MUC22: variants seen among roughly 807,000 people sequenced by gnomAD.
MUC22 encodes mucin 22.
MUC22 carries 24 observed loss-of-function variants against 40.3 expected under a neutral mutation model. The ratio of observed to expected loss-of-function variants is 0.60; its 90% confidence interval spans 0.43 to 0.84. MUC22 has a LOEUF of 0.84. MUC22 is among the 40% of genes least tolerant of loss of function. The probability of loss-of-function intolerance (pLI) is 0.00; values close to 1 mark genes in which losing one functional copy is unlikely to be tolerated. For missense variants in MUC22, 1,926 were observed against 2,130.7 expected (o/e 0.90, Z 1.89); for synonymous variants, 765 against 844.5 (o/e 0.91, Z 1.63).
At chr6:31,028,220 C>T (rs1439100929) in exon 2 of MUC22, 3 of 1,534,888 alleles carry the variant, frequency 2.0e-6, no homozygotes, top group Non-Finnish European at 2.6e-6. Context: ...ACAGTATCTG[C>T]CACAGGCTCT....
chr6:31,026,170 GT>G lies in MUC22; in HGVS notation c.740del (p.Val247GlyfsTer7). ...CACAACCTCAACTGCAGACTCCAAG[GT>G]GATCACGGCATCCAGCATGAGCTCT... On this transcript the variant is annotated frameshift_variant, in exon 2 of 4. Transcript: ENST00000561890. LOFTEE classifies it high-confidence loss of function. 6.6e-7 allele frequency: 1 copy of G among 1,521,228 alleles called. No homozygotes were observed. The highest frequency in any genetic ancestry group is 1.2e-5 in the South Asian group (1 of 83,508). 94.2% of individuals were successfully genotyped at this position (1,521,228 alleles called of 1,614,324 possible). A position where few individuals can be genotyped will look rare whatever the true frequency, so the allele number is the denominator to read the frequency against.
exon 2 of MUC22, chr6:31,026,066 G>A (rs1192838671): frequency 6.5e-7 from 1 of 1,529,750 alleles, no homozygotes; most frequent in Non-Finnish European, 8.8e-7. Context: ...TCTACCACAG[G>A]CTCTGAAACC....
rs1264982171 is a variant in MUC22 at position 31,032,131 on chromosome 6, G to A, written c.4670-65G>A. On this transcript the variant is annotated intron_variant, in intron 2 of 3. Transcript: ENST00000561890. The surrounding 1 kb of genome is among the most constrained non-coding windows in gnomAD (Gnocchi z 4.1). ...TTAGATTCACCCTCCTCTGGTCTAA[G>A]CACCCCCATTCCCCTTTAATCATCT... The A allele has an allele frequency of 4.1e-6, 6 of 1,474,890 alleles. No homozygotes were observed. Among genetic ancestry groups the A allele is most frequent in the Non-Finnish European group, 5.4e-6 (6 of 1,113,700 alleles). 91.4% of individuals were successfully genotyped at this position (1,474,890 alleles called of 1,614,324 possible). A position where few individuals can be genotyped will look rare whatever the true frequency, so the allele number is the denominator to read the frequency against.
upstream of MUC22, among the ~76,000 whole-genome samples, chr6:31,007,560 G>A (rs765342059): frequency 9.2e-5 from 14 of 152,314 alleles, no homozygotes; most frequent in Non-Finnish European, 1.6e-4. The surrounding 1 kb of genome is among the most constrained non-coding windows in gnomAD (Gnocchi z 4.0). Flanking sequence ...GTCCAGCCAG[G>A]TTGAAGAAAA....
chr6:31,009,191 A>G (rs1763708176), upstream of MUC22, among the ~76,000 whole-genome samples: 1 of 152,240 alleles, frequency 6.6e-6, no homozygotes, highest in Non-Finnish European at 1.5e-5. Context: ...GAGTGGACAC[A>G]TAAGTGCTCA....
chr6:31,035,073 T>C, exon 4 of MUC22: 3 of 924,356 alleles, frequency 3.2e-6, no homozygotes, highest in African/African-American at 1.7e-5. Flanking sequence ...ATAATGATCA[T>C]GAAATAATTA....
rs778075756 is a variant in MUC22, at chr6:31,027,470, CCA to C, written c.2042_2043del (p.Thr681SerfsTer3). ...GGCTCTGAGATGACTGCAGTCTCCA[CCA>C]CAGTCTTTGAGACCACTACAGCCTC... On this transcript the variant is annotated frameshift_variant, in exon 2 of 4. Transcript: ENST00000561890. LOFTEE classifies it high-confidence loss of function. The C allele has an allele frequency of 6.5e-7, 1 of 1,531,792 alleles. No homozygotes were observed. The highest frequency in any genetic ancestry group is 1.2e-5 in the South Asian group (1 of 83,794). The allele number at this position is 1,531,792 out of a possible 1,614,324, so 94.9% of individuals were successfully genotyped here.
At chr6:31,024,698 G>A (rs1417477760) in intron 1 of MUC22, among the ~76,000 whole-genome samples, 1 of 152,106 alleles carries the variant, frequency 6.6e-6, no homozygotes, top group East Asian at 1.9e-4. Context: ...AGAGATTATG[G>A]TTAGAAAAGG....
chr6:31,030,061 G>A (rs1482290802), exon 2 of MUC22: 14 of 1,534,848 alleles, frequency 9.1e-6, no homozygotes, highest in Middle Eastern at 1.7e-4. Flanking sequence ...CAAGGCCACT[G>A]ACGTTTCTAT....
At chr6:31,022,443 C>T (rs28894976) in intron 1 of MUC22, among the ~76,000 whole-genome samples, 16,730 of 151,294 alleles carry the variant, frequency 0.11, 1,185 homozygotes, top group East Asian at 0.33. Flanking sequence ...AGGCGTGAAT[C>T]GACAGGCAAG....
chr6:31,025,631 C>A (rs1353724270), exon 2 of MUC22: 1 of 1,525,924 alleles, frequency 6.6e-7, no homozygotes, highest in Admixed American at 2.0e-5. Flanking sequence ...AAGATCACCA[C>A]AGACTCTACC....
At chr6:31,006,523 A>G (rs981349240), upstream of MUC22, among the ~76,000 whole-genome samples, 30 of 152,242 alleles carry the variant, frequency 2.0e-4, 1 homozygote, top group Admixed American at 1.4e-3. Context: ...CATTTGTCAA[A>G]ACCCATAGAA....
intron 2 of MUC22, among the ~76,000 whole-genome samples, chr6:31,030,598 C>A: frequency 6.6e-6 from 1 of 151,506 alleles, no homozygotes; most frequent in Non-Finnish European, 1.5e-5. Context: ...AAGTGCCCAC[C>A]ACTTCCATTG....
exon 2 of MUC22, chr6:31,026,827 A>T (rs1163844583): frequency 6.7e-7 from 1 of 1,492,444 alleles, no homozygotes; most frequent in South Asian, 1.2e-5. Context: ...AGGCTCTGAG[A>T]CCACAACAGC....
At chr6:31,022,367 TTG>T (rs201611950) in intron 1 of MUC22, among the ~76,000 whole-genome samples, 2,593 of 152,158 alleles carry the variant, frequency 0.017, 41 homozygotes, top group Non-Finnish European at 0.027. Context: ...GTTCTCAATT[TTG>T]GTTAGGCTGG....
At position 31,010,855 on chromosome 6, in the gene MUC22, C is replaced by A. The variant is rs894116407; in HGVS notation, c.70+79C>A. On this transcript the variant is annotated intron_variant, in intron 1 of 3. Transcript: ENST00000561890. Reference sequence around the variant, plus strand: ...TGAAGGAGATGGGGAATCCCCTGCCCAGGCATGACTCTTCTTCCAGAAACA... The same window carrying A: ...TGAAGGAGATGGGGAATCCCCTGCCAAGGCATGACTCTTCTTCCAGAAACA... 6 of 671,104 alleles carry A rather than the reference C, an allele frequency of 8.9e-6. No homozygotes were observed. In the South Asian group the frequency reaches 9.5e-5, roughly 11 times the overall value. 41.6% of individuals were successfully genotyped at this position (671,104 alleles called of 1,614,324 possible).
chr6:31,018,610 A>G (rs926830224), intron 1 of MUC22, among the ~76,000 whole-genome samples: 2 of 152,246 alleles, frequency 1.3e-5, no homozygotes, highest in Non-Finnish European at 2.9e-5. Context: ...TTATTCTTCT[A>G]TGAAATCCGT....
chr6:31,022,221 G>A (rs1355883372), intron 1 of MUC22, among the ~76,000 whole-genome samples: 2 of 152,192 alleles, frequency 1.3e-5, no homozygotes, highest in Non-Finnish European at 1.5e-5. Context: ...AAGTCAGTGA[G>A]ACCAAGAACC....
exon 2 of MUC22, chr6:31,029,171 C>A (rs1709593761): frequency 6.5e-7 from 1 of 1,535,282 alleles, no homozygotes; most frequent in African/African-American, 1.4e-5. Context: ...GAGACCACCA[C>A]AGCCTCTATT....
Sources: allele counts gnomAD v4.1 joint callset (sites outside exome capture counted in the v4.1 genomes callset), GRCh38; gene constraint gnomAD v4.1.1; non-coding constraint Gnocchi (gnomAD v3.1); transcripts MANE v1.5; gene names NCBI Gene and HGNC (gene_info 2026-07-23, HGNC 2026-07-21).